GOLGA1: variants seen among roughly 807,000 people sequenced by gnomAD.
GOLGA1 encodes the protein golgin subfamily A member 1.
A neutral mutation model predicts 119.7 loss-of-function variants in GOLGA1; 63 were observed. That is an observed-to-expected ratio of 0.53 (90% CI 0.43 to 0.65). The LOEUF (loss-of-function observed/expected upper bound fraction) is 0.65, where lower values mean the gene tolerates loss of function less well. Ranked by LOEUF, GOLGA1 falls within the 30% of genes least tolerant of loss-of-function variation. The pLI, the probability that GOLGA1 is intolerant of heterozygous loss-of-function variation, is 0.00. For synonymous variants in GOLGA1, 318 were observed against 333.4 expected, an observed-to-expected ratio of 0.95 and a Z score of 0.50; for missense variants, 798 against 912.8, an observed-to-expected ratio of 0.87 and a Z score of 1.62.
At chr9:124,938,906 T>C (rs763365692) in intron 2 of GOLGA1, 40 bp from the exon 3 acceptor site, 14 of 477,906 alleles carry the variant, frequency 2.9e-5, no homozygotes, top group Non-Finnish European at 4.0e-5. Context: ...AAGTTAAACA[T>C]TGGAAAGATT....
intron 10 of GOLGA1, 52 bp from the exon 11 acceptor site, chr9:124,912,078 T>C: frequency 1.3e-6 from 2 of 1,557,804 alleles, no homozygotes; most frequent in South Asian, 1.2e-5. Flanking sequence ...TCTTCCTTCC[T>C]TCCTGCTTTC....
chr9:124,895,334 T>TCTCCACAACAGAGAACC (rs1211861880), intron 15 of GOLGA1, among the ~76,000 whole-genome samples: 2 of 60,688 alleles, frequency 3.3e-5, no homozygotes, highest in African/African-American at 6.8e-5. Context: ...CAACAGAGAC[T>TCTCCACAACAGAGAACC]CTCCACAACA....
At position 124,880,619 on chromosome 9, in the gene GOLGA1, G is replaced by GA; in HGVS notation, c.2224-10dup. On this transcript the variant is annotated splice_polypyrimidine_tract_variant and intron_variant, in intron 22 of 22. Transcript: ENST00000373555. The stretch of plus-strand genomic sequence containing the variant: ...GACCCAAACCATGACATCTGCATTT[G>GA]AAACAGAAAAGGCTTCTGAGATGCA... 6.3e-7 allele frequency: 1 copy of GA among 1,580,528 alleles called. No homozygotes were observed. The highest frequency in any genetic ancestry group is 8.7e-7 in the Non-Finnish European group (1 of 1,149,938).
At chr9:124,936,148 C>T (rs62583410) in intron 3 of GOLGA1, among the ~76,000 whole-genome samples, 3,706 of 152,220 alleles carry the variant, frequency 0.024, 55 homozygotes, top group Middle Eastern at 0.058. Context: ...AGCATGAAGG[C>T]AAAACAGGTC....
At chr9:124,920,952 C>T (rs1293744253) in intron 10 of GOLGA1, among the ~76,000 whole-genome samples, 177 bp downstream of exon 10, 2 of 152,058 alleles carry the variant, frequency 1.3e-5, no homozygotes, top group Admixed American at 1.3e-4. Context: ...GCTAAGCAAC[C>T]CTTGTTCAGC....
At chr9:124,901,813 A>G (rs993102012) in intron 12 of GOLGA1, among the ~76,000 whole-genome samples, 1 of 152,166 alleles carries the variant, frequency 6.6e-6, no homozygotes, top group African/African-American at 2.4e-5. Flanking sequence ...ACTGGTTTGA[A>G]TCACTTCCTT....
At position 124,882,572 on chromosome 9, in the gene GOLGA1, G is replaced by T; in HGVS notation, c.1906-3C>A. On this transcript the variant is annotated splice_polypyrimidine_tract_variant and splice_region_variant and intron_variant, in intron 19 of 22. Coordinates refer to ENST00000373555, the MANE Select transcript of GOLGA1 (RefSeq NM_002077.4). ...CGCTGCTGCATCTGCTTTATGGTCT[G>T]CGACAAGCCCCACCCCACAGAAAGC... 6.2e-7 allele frequency: 1 copy of T among 1,611,170 alleles called. No homozygotes were observed. Among genetic ancestry groups the T allele is most frequent in the Non-Finnish European group, 8.5e-7 (1 of 1,179,016 alleles).
Position 124,921,899 on chromosome 9 carries a change from C to T in GOLGA1, c.562-7G>A, listed in dbSNP as rs777333055. The T allele has an allele frequency of 1.2e-6, 2 of 1,608,694 alleles. No individual in the cohort carries two copies. The highest frequency in any genetic ancestry group is 1.7e-5 in the Admixed American group (1 of 59,072). On this transcript the variant is annotated splice_polypyrimidine_tract_variant and splice_region_variant and intron_variant, in intron 8 of 22. Coordinates refer to ENST00000373555, the MANE Select transcript of GOLGA1 (RefSeq NM_002077.4). ...TTTCTTCTTTTTTTAAAAGCTGACA[C>T]AAAAATACAAAGTTTCATTGGGCTA...
At position 124,921,255 on chromosome 9, in the gene GOLGA1, A is replaced by T. The variant is rs977725030; in HGVS notation, c.732-15T>A. 1 of 1,492,742 alleles carries T rather than the reference A, an allele frequency of 6.7e-7. No homozygotes were observed. The highest frequency in any genetic ancestry group is 9.3e-7 in the Non-Finnish European group (1 of 1,070,140). 92.5% of individuals were successfully genotyped at this position (1,492,742 alleles called of 1,614,324 possible). A position where few individuals can be genotyped will look rare whatever the true frequency, so the allele number is the denominator to read the frequency against. Reference sequence around the variant, plus strand: ...TCACATGATCTCTTCATCAAAAGAAAGCAGACAATGAACAAATTTGGATAT... The same window carrying T: ...TCACATGATCTCTTCATCAAAAGAATGCAGACAATGAACAAATTTGGATAT... On this transcript the variant is annotated splice_polypyrimidine_tract_variant and intron_variant, in intron 9 of 22. Transcript: ENST00000373555.
intron 15 of GOLGA1, among the ~76,000 whole-genome samples, chr9:124,894,615 C>T (rs954265659): frequency 1.3e-5 from 2 of 152,142 alleles, no homozygotes; most frequent in Admixed American, 6.5e-5. Flanking sequence ...GGGTAGGCCT[C>T]TGAAGCTCAA....
In GOLGA1 at chr9:124,939,511, T is replaced by C. The variant is rs538299577; in HGVS notation, c.-156+595A>G. On this transcript the variant is annotated intron_variant, in intron 2 of 22. Transcript: ENST00000373555. ...CTAGAGACGCTGTGTGGTTTTGAGT[T>C]TGATAAAATTACCTCCAATGAGTTT... Among the ~76,000 whole-genome samples the C allele has an allele frequency of 4.0e-5, 6 of 151,538 alleles. No homozygotes were observed. The South Asian group carries it at 6.2e-4, about 16-fold the overall frequency.
At chr9:124,895,357 C>T (rs1829948590) in intron 15 of GOLGA1, among the ~76,000 whole-genome samples, 1 of 146,268 alleles carries the variant, frequency 6.8e-6, no homozygotes, top group South Asian at 2.2e-4. Flanking sequence ...GAACCCTCCA[C>T]AACAGACTCT....
At chr9:124,884,756 T>C (rs1283272029) in intron 19 of GOLGA1, among the ~76,000 whole-genome samples, 1 of 152,232 alleles carries the variant, frequency 6.6e-6, no homozygotes, top group East Asian at 1.9e-4. Flanking sequence ...GCCCCAAAAG[T>C]ACATTGGCTA....
chr9:124,909,064 C>G (rs1335021083), intron 11 of GOLGA1, among the ~76,000 whole-genome samples: 1 of 152,138 alleles, frequency 6.6e-6, no homozygotes, highest in Non-Finnish European at 1.5e-5. Context: ...AATCCCAGAA[C>G]TTTGGGAGGC....
intron 19 of GOLGA1, among the ~76,000 whole-genome samples, chr9:124,884,864 G>A (rs945237335): frequency 2.0e-5 from 3 of 152,112 alleles, no homozygotes; most frequent in Admixed American, 6.5e-5. Flanking sequence ...CTGGAGAAAC[G>A]GCAACAAAAA....
In GOLGA1 at chr9:124,938,763, G is replaced by T. The variant is rs774211318; in HGVS notation, c.-52C>A. On this transcript the variant is annotated 5_prime_UTR_variant, in exon 3 of 23. Coordinates refer to ENST00000373555, the MANE Select transcript of GOLGA1 (RefSeq NM_002077.4). ...ATGACGAGCTCTCAGTAGTCCTGGT[G>T]CCTGTGTTCAGGATTCAGACAGAGG... is the stretch of plus-strand genomic sequence containing the variant. The T allele has an allele frequency of 3.3e-6, 5 of 1,532,238 alleles. No individual in the cohort carries two copies. Among genetic ancestry groups the T allele is most frequent in the African/African-American group, 1.4e-5 (1 of 71,864 alleles). The allele number at this position is 1,532,238 out of a possible 1,614,324, so 94.9% of individuals were successfully genotyped here.
At chr9:124,928,989 A>T (rs1830722104) in intron 5 of GOLGA1, among the ~76,000 whole-genome samples, 1 of 152,178 alleles carries the variant, frequency 6.6e-6, no homozygotes, top group Non-Finnish European at 1.5e-5. Flanking sequence ...AGACAAGCTG[A>T]TACACATAAT....
At position 124,888,545 on chromosome 9, in the gene GOLGA1, A is replaced by G. The variant is rs78087372; in HGVS notation, c.1762-149T>C. Reference sequence around the variant, plus strand: ...GGCCAGGAAGCAATTCCTGGAGAAGATCCAATGCCCAATGCCCACAACTAA... The same window carrying G: ...GGCCAGGAAGCAATTCCTGGAGAAGGTCCAATGCCCAATGCCCACAACTAA... On this transcript the variant is annotated intron_variant, in intron 18 of 22. Coordinates refer to ENST00000373555, the MANE Select transcript of GOLGA1 (RefSeq NM_002077.4). The surrounding 1 kb of genome is among the most constrained non-coding windows in gnomAD (Gnocchi z 4.4). The G allele has an allele frequency of 0.01, 6,883 of 678,958 alleles. 306 individuals are homozygous for G. The highest frequency in any genetic ancestry group is 0.1 in the African/African-American group (5,583 of 55,972). 42.1% of individuals were successfully genotyped at this position (678,958 alleles called of 1,614,324 possible). A position where few individuals can be genotyped will look rare whatever the true frequency, so the allele number is the denominator to read the frequency against.
intron 3 of GOLGA1, among the ~76,000 whole-genome samples, chr9:124,935,510 T>C (rs1317884963): frequency 1.3e-5 from 2 of 152,058 alleles, no homozygotes; most frequent in African/African-American, 4.8e-5. Flanking sequence ...GGAGGCAAGT[T>C]TGAGACATTT....
Sources: allele counts gnomAD v4.1 joint callset (sites outside exome capture counted in the v4.1 genomes callset), GRCh38; gene constraint gnomAD v4.1.1; non-coding constraint Gnocchi (gnomAD v3.1); transcripts MANE v1.5; gene names NCBI Gene and HGNC (gene_info 2026-07-23, HGNC 2026-07-21).